The following OSBPL3 variants were observed in gnomAD, a reference collection of about 807,000 sequenced individuals.
The protein encoded by OSBPL3 is oxysterol binding protein like 3.
In OSBPL3, 65 loss-of-function variants were observed where a neutral mutation model predicts 120.1. That is an observed-to-expected ratio of 0.54 (90% CI 0.44 to 0.67). OSBPL3 has a LOEUF of 0.67. OSBPL3 is among the 30% of genes least tolerant of loss of function. The pLI, the probability that OSBPL3 is intolerant of heterozygous loss-of-function variation, is 0.00. For synonymous variants in OSBPL3, 416 were observed against 402.6 expected (o/e 1.03, Z -0.40); for missense variants, 1,004 against 1,082.1 (o/e 0.93, Z 1.01).
At chr7:24,958,935 T>C (rs1157747756) in intron 1 of OSBPL3, among the ~76,000 whole-genome samples, 1 of 152,194 alleles carries the variant, frequency 6.6e-6, no homozygotes, top group African/African-American at 2.4e-5. Context: ...ATGTTTGTTT[T>C]AACACTGAAA....
At chr7:24,956,301 G>A (rs1815037788) in intron 1 of OSBPL3, among the ~76,000 whole-genome samples, 1 of 152,270 alleles carries the variant, frequency 6.6e-6, no homozygotes, top group Non-Finnish European at 1.5e-5. Context: ...ACCCTTCCCT[G>A]TTCTGAGATA....
In OSBPL3 at chr7:24,863,273, G is replaced by T. The variant is rs778662260; in HGVS notation, c.797C>A (p.Pro266His). Residue 266 changes from proline to histidine, a missense_variant, in exon 9 of 23, where the codon CCC becomes CAC. Around this residue, in one of 4 missense-constraint regions of OSBPL3, gnomAD observed 272 missense variants for 248.8 expected, o/e 1.09. Coordinates refer to ENST00000313367, the MANE Select transcript of OSBPL3 (RefSeq NM_015550.4). This position sits in a 1 kb window ranked among gnomAD's most constrained non-coding sequence, Gnocchi z 5.8. ...CCTGTGCGATCTTTTTTCCTTTTTG[G>T]GACTTTCAAAAGATCCACCCTTTGT... ...NAIQGGSFES[P>H]KKEKRSHRRW... 15 of 1,613,672 alleles carry T rather than the reference G, an allele frequency of 9.3e-6. No individual in the cohort carries two copies. In the African/African-American group the frequency reaches 1.9e-4, roughly 20 times the overall value.
In OSBPL3 at chr7:24,854,486, T is replaced by TTG. The variant is rs1228159294; in HGVS notation, c.1028-1854_1028-1853dup. On this transcript the variant is annotated intron_variant, in intron 10 of 22. Transcript: ENST00000313367. This position sits in a 1 kb window ranked among gnomAD's most constrained non-coding sequence, Gnocchi z 4.1. Reference sequence around the variant, plus strand: ...AACATCTTAACAAAGTCACAACAATTTGTACACACACACACGCACACACAC... The same window carrying TTG: ...AACATCTTAACAAAGTCACAACAATTTGTGTACACACACACACGCACACACAC... Among the ~76,000 whole-genome samples, 1 of 140,306 alleles carries TTG rather than the reference T, an allele frequency of 7.1e-6. No homozygotes were observed. Among genetic ancestry groups the TTG allele is most frequent in the Admixed American group, 7.5e-5 (1 of 13,252 alleles). 92.0% of individuals were successfully genotyped at this position (140,306 alleles called of 152,430 possible).
chr7:24,800,166 C>CTTTCTTCTT lies in OSBPL3; in HGVS notation c.*8_*16dup. On this transcript the variant is annotated 3_prime_UTR_variant, in exon 23 of 23. Coordinates refer to ENST00000313367, the MANE Select transcript of OSBPL3 (RefSeq NM_015550.4). ...CACAGGAGAAATACACTAATGTTAT[C>CTTTCTTCTT]TTTCTTCTTTACTTTTTCACCATAA... is the stretch of plus-strand genomic sequence containing the variant. 7.0e-7 allele frequency: 1 copy of CTTTCTTCTT among 1,422,736 alleles called. No individual in the cohort carries two copies. Among genetic ancestry groups the CTTTCTTCTT allele is most frequent in the Non-Finnish European group, 9.9e-7 (1 of 1,005,898 alleles). 88.1% of individuals were successfully genotyped at this position (1,422,736 alleles called of 1,614,324 possible). A position where few individuals can be genotyped will look rare whatever the true frequency, so the allele number is the denominator to read the frequency against.
intron 14 of OSBPL3, among the ~76,000 whole-genome samples, chr7:24,839,899 G>A (rs1004694779): frequency 1.4e-5 from 2 of 145,414 alleles, no homozygotes; most frequent in Admixed American, 7.3e-5. Context: ...GCTAAGGCAG[G>A]AGAATCGCTT....
At chr7:24,969,160 C>A (rs160) in intron 1 of OSBPL3, among the ~76,000 whole-genome samples, 21 of 152,038 alleles carry the variant, frequency 1.4e-4, no homozygotes, top group African/African-American at 4.8e-4. Flanking sequence ...AACACTGTTA[C>A]CACATTTTGT....
intron 1 of OSBPL3, among the ~76,000 whole-genome samples, chr7:24,951,047 T>C (rs1023161623): frequency 3.9e-5 from 6 of 152,162 alleles, no homozygotes; most frequent in Non-Finnish European, 7.4e-5. Flanking sequence ...AATGATCATT[T>C]AATATTCAAA....
intron 1 of OSBPL3, among the ~76,000 whole-genome samples, chr7:24,944,508 T>C (rs1347568014): frequency 6.6e-6 from 1 of 151,940 alleles, no homozygotes; most frequent in African/African-American, 2.4e-5. Flanking sequence ...CACGTACCTG[T>C]AATCCCAGCT....
intron 12 of OSBPL3, among the ~76,000 whole-genome samples, chr7:24,847,172 C>A (rs1798556348): frequency 6.6e-6 from 1 of 152,142 alleles, no homozygotes; most frequent in East Asian, 1.9e-4. Context: ...ACTGTCATTT[C>A]CCAATAGAGT....
Position 24,852,706 on chromosome 7 carries a change from T to C in OSBPL3, c.1028-72A>G, listed in dbSNP as rs1459361489. ...AAAACAAAATACAGAAAAAAACATATCTCTTATAAAAGAAACAAGCAAAGT... is the reference window on the plus strand; with the variant it reads ...AAAACAAAATACAGAAAAAAACATACCTCTTATAAAAGAAACAAGCAAAGT... On this transcript the variant is annotated intron_variant, in intron 10 of 22. Transcript: ENST00000313367. The surrounding 1 kb of genome is among the most constrained non-coding windows in gnomAD (Gnocchi z 4.1). 7.8e-6 allele frequency: 8 copies of C among 1,021,664 alleles called. No homozygotes were observed. The highest frequency in any genetic ancestry group is 5.5e-5 in the East Asian group (2 of 36,078). 63.3% of individuals were successfully genotyped at this position (1,021,664 alleles called of 1,614,324 possible). A position where few individuals can be genotyped will look rare whatever the true frequency, so the allele number is the denominator to read the frequency against.
rs181269052 is a variant in OSBPL3, at chr7:24,933,152, G to C, written c.-149-40531C>G. Among the ~76,000 whole-genome samples the C allele has an allele frequency of 1.3e-5, 2 of 152,334 alleles. No homozygotes were observed. The highest frequency in any genetic ancestry group is 1.9e-4 in the East Asian group (1 of 5,190). On this transcript the variant is annotated intron_variant, in intron 1 of 22. Transcript: ENST00000313367. This position sits in a 1 kb window ranked among gnomAD's most constrained non-coding sequence, Gnocchi z 5.1. ...TGCAGAACTGGGACCCAGCTGAGAG[G>C]GGGGTTCGCTGCTCAAGGTTAAAAT...
intron 1 of OSBPL3, among the ~76,000 whole-genome samples, chr7:24,979,558 G>T (rs563485201): frequency 6.6e-6 from 1 of 152,192 alleles, no homozygotes; most frequent in Non-Finnish European, 1.5e-5. Context: ...CCGCTGCCCA[G>T]GACAGCTCCG....
At chr7:24,979,581 T>A (rs542899298) in intron 1 of OSBPL3, among the ~76,000 whole-genome samples, 2 of 152,030 alleles carry the variant, frequency 1.3e-5, no homozygotes, top group Admixed American at 1.3e-4. Context: ...CGCCGCGTCC[T>A]CCCGCACCTG....
intron 1 of OSBPL3, among the ~76,000 whole-genome samples, chr7:24,904,529 G>A (rs1031244138): frequency 1.3e-5 from 2 of 152,182 alleles, no homozygotes; most frequent in African/African-American, 4.8e-5. Flanking sequence ...TAAATATACA[G>A]GAGGATGTGC....
chr7:24,830,856 C>T lies in OSBPL3; in HGVS notation c.1796G>A (p.Arg599Gln), dbSNP rs1482024175. The T allele has an allele frequency of 6.8e-6, 11 of 1,613,630 alleles. No homozygotes were observed. The highest frequency in any genetic ancestry group is 1.3e-5 in the African/African-American group (1 of 74,898). ...AISAYASSYY[R>Q]AGSKPFNPVL... is the part of the protein sequence containing the mutation. ...CGGATTAAATGGCTTGCTTCCAGCT[C>T]GGTAGTAGCTAGATGCATACGCTGA... Residue 599 changes from arginine (R) to glutamine (Q), a missense_variant, in exon 16 of 23, where the codon CGA becomes CAA. By Grantham distance (43) the Arg-to-Gln change is conservative (BLOSUM62 1). Coordinates refer to ENST00000313367, the MANE Select transcript of OSBPL3 (RefSeq NM_015550.4). The surrounding 1 kb of genome is among the most constrained non-coding windows in gnomAD (Gnocchi z 4.4).
intron 20 of OSBPL3, 108 bp from the exon 21 acceptor site, chr7:24,807,010 T>A: frequency 2.3e-6 from 2 of 879,064 alleles, no homozygotes; most frequent in Non-Finnish European, 3.5e-6. Context: ...CTCTCTCAGC[T>A]CCCTTCCATT....
Position 24,871,794 on chromosome 7 carries a change from C to T in OSBPL3, c.215G>A (p.Arg72Lys). Residue 72 changes from arginine to lysine, a missense_variant and splice_region_variant, in exon 4 of 23, where the codon AGA becomes AAA. Around this residue, in one of 4 missense-constraint regions of OSBPL3, gnomAD observed 255 missense variants for 248.7 expected, o/e 1.03. Coordinates refer to ENST00000313367, the MANE Select transcript of OSBPL3 (RefSeq NM_015550.4). The surrounding 1 kb of genome is among the most constrained non-coding windows in gnomAD (Gnocchi z 4.8). ...RKWPLKGWHK[R>K]FFYLDKGILK... is the part of the protein sequence containing the mutation. ...GATTCCTTTGTCCAGATAGAAGAATCTCTGTGGGGAAGAAAGTATTATTAA... is the reference window on the plus strand; with the variant it reads ...GATTCCTTTGTCCAGATAGAAGAATTTCTGTGGGGAAGAAAGTATTATTAA... 2 of 1,610,828 alleles carry T rather than the reference C, an allele frequency of 1.2e-6. No individual in the cohort carries two copies. The highest frequency in any genetic ancestry group is 8.5e-7 in the Non-Finnish European group (1 of 1,177,148).
At position 24,952,076 on chromosome 7, in the gene OSBPL3, G is replaced by A. The variant is rs900236830; in HGVS notation, c.-150+27810C>T. Among the ~76,000 whole-genome samples the A allele has an allele frequency of 1.3e-5, 2 of 152,132 alleles. No homozygotes were observed. The highest frequency in any genetic ancestry group is 4.8e-5 in the African/African-American group (2 of 41,426). Reference sequence around the variant, plus strand: ...AAGGAAGAACACGAATGAATGTAGAGGGGCCTCCCCACCGGCCATTCTTTC... The same window carrying A: ...AAGGAAGAACACGAATGAATGTAGAAGGGCCTCCCCACCGGCCATTCTTTC... On this transcript the variant is annotated intron_variant, in intron 1 of 22. Transcript: ENST00000313367. This position sits in a 1 kb window ranked among gnomAD's most constrained non-coding sequence, Gnocchi z 4.4.
In OSBPL3 at chr7:24,863,539, ACGTCCATG is replaced by A. The variant is rs745998368; in HGVS notation, c.726_733del (p.Met243ProfsTer19). The A allele has an allele frequency of 5.6e-6, 9 of 1,614,108 alleles. No homozygotes were observed. The South Asian group carries it at 8.8e-5, about 16-fold the overall frequency. On this transcript the variant is annotated frameshift_variant, in exon 8 of 23. Coordinates refer to ENST00000313367, the MANE Select transcript of OSBPL3 (RefSeq NM_015550.4). LOFTEE classifies it high-confidence loss of function. This position sits in a 1 kb window ranked among gnomAD's most constrained non-coding sequence, Gnocchi z 5.8. ...TGGTGCCGAGTATGTCCGATGCAGG[ACGTCCATG>A]CTTTGCAGGAGCTGGCTCATTTCTA... is the stretch of plus-strand genomic sequence containing the variant.
Sources: gnomAD v4.1 joint callset for allele counts (sites outside exome capture counted in the v4.1 genomes callset) on GRCh38, gnomAD v4.1.1 for gene constraint, gnomAD v4.1.1 regional missense constraint, Gnocchi (gnomAD v3.1) non-coding constraint, MANE v1.5 for transcripts, NCBI Gene and HGNC (gene_info 2026-07-23, HGNC 2026-07-21) for gene names.